Variants in ARHGAP29 observed in about 807,000 individuals in gnomAD.
ARHGAP29 encodes rho GTPase-activating protein 29.
Under a neutral mutation model 122.6 loss-of-function variants are expected in ARHGAP29, and 43 were observed. That is an observed-to-expected ratio of 0.35 (90% CI 0.27 to 0.45). The LOEUF is 0.45. Among genes scored for constraint, ARHGAP29 ranks in the 20% least tolerant of loss-of-function variants. ARHGAP29 has a pLI of 1.00. For synonymous variants in ARHGAP29, 506 were observed against 497.1 expected (o/e 1.02, Z -0.24); for missense variants, 1,303 against 1,477.2 (o/e 0.88, Z 1.93).
At chr1:94,289,290 T>C in the ARHGAP29 span, among the ~76,000 whole-genome samples, 4 of 152,190 alleles carry the variant, frequency 2.6e-5, no homozygotes, top group Non-Finnish European at 5.9e-5. Context: ...GCTCTCTGTT[T>C]GTCTGTTCTT....
At chr1:94,266,221 G>A (rs1357406872) in intron 1 of ARHGAP29, among the ~76,000 whole-genome samples, 1 of 152,188 alleles carries the variant, frequency 6.6e-6, no homozygotes, top group Non-Finnish European at 1.5e-5. Context: ...AGAGCAGTGA[G>A]TCAGCCAGGC....
Position 94,184,278 on chromosome 1 carries a change from C to T in ARHGAP29, c.2120G>A (p.Arg707His). The change falls in exon 19 of 23, where the codon CGT (arginine) becomes CAT (histidine). Residue 707 changes from arginine (R) to histidine (H), a missense_variant. By Grantham distance (29) the Arg-to-His change is conservative (BLOSUM62 0). This residue lies in a region of ARHGAP29 where 91 missense variants were observed against 177.8 expected (regional missense o/e 0.51). Coordinates refer to ENST00000260526, the MANE Select transcript of ARHGAP29 (RefSeq NM_004815.4). ...AGTTTTTATTTTGTTTCCACACACA[C>T]GATAAATTCCCTTCAATAGAAAAGA... ...NRALCLQGIY[R>H]VCGNKIKTEK... 3 of 1,600,120 alleles carry T rather than the reference C, an allele frequency of 1.9e-6. No homozygotes were observed. Among genetic ancestry groups the T allele is most frequent in the Non-Finnish European group, 2.6e-6 (3 of 1,176,414 alleles).
chr1:94,274,408 A>T (rs1000434303), intron 1 of ARHGAP29, among the ~76,000 whole-genome samples: 2 of 152,246 alleles, frequency 1.3e-5, no homozygotes, highest in Non-Finnish European at 2.9e-5. Context: ...TGCAAAGCAC[A>T]TAAGTTACTT....
intron 1 of ARHGAP29, among the ~76,000 whole-genome samples, chr1:94,263,772 T>G (rs899042316): frequency 6.6e-6 from 1 of 152,230 alleles, no homozygotes; most frequent in African/African-American, 2.4e-5. Context: ...AATTATTCCA[T>G]GTACACCACT....
At chr1:94,308,204 A>G in the ARHGAP29 span, among the ~76,000 whole-genome samples, 1 of 152,236 alleles carries the variant, frequency 6.6e-6, no homozygotes, top group Non-Finnish European at 1.5e-5. Context: ...TTCCTCATTT[A>G]TAAAAAAGTT....
intron 2 of ARHGAP29, among the ~76,000 whole-genome samples, chr1:94,228,334 C>T (rs1200030706): frequency 2.0e-5 from 3 of 151,760 alleles, no homozygotes; most frequent in Non-Finnish European, 4.4e-5. Context: ...AAACTGCCAA[C>T]ATTCAGAACA....
At chr1:94,256,649 C>G (rs1435769687) in intron 1 of ARHGAP29, among the ~76,000 whole-genome samples, 1 of 145,416 alleles carries the variant, frequency 6.9e-6, no homozygotes, top group Non-Finnish European at 1.5e-5. Flanking sequence ...AGCTCCGCCT[C>G]CCAGGTTCAC....
rs749474685 is a variant in ARHGAP29 at position 94,179,893 on chromosome 1, T to G, written c.2312A>C (p.Gln771Pro). ...KEFIDLAKEI[Q>P]HVNEEQETKK... Reference sequence around the variant, plus strand: ...TGTCTCTTGTTCTTCATTTACATGTTGGATCTCTTTTGCAAGGTCTATAAA... The same window carrying G: ...TGTCTCTTGTTCTTCATTTACATGTGGGATCTCTTTTGCAAGGTCTATAAA... The change falls in exon 20 of 23, where the codon CAA (glutamine) becomes CCA (proline). Residue 771 changes from glutamine (Q) to proline (P), a missense_variant. Transcript: ENST00000260526. 9.3e-6 allele frequency: 15 copies of G among 1,613,050 alleles called. No individual in the cohort carries two copies. In the African/African-American group the frequency reaches 2.0e-4, roughly 22 times the overall value.
At chr1:94,240,647 A>AT (rs970383845), upstream of ARHGAP29, among the ~76,000 whole-genome samples, 4 of 152,078 alleles carry the variant, frequency 2.6e-5, no homozygotes, top group African/African-American at 4.8e-5. Context: ...GCAACATATA[A>AT]TTTTTTTTAA....
intron 22 of ARHGAP29, among the ~76,000 whole-genome samples, chr1:94,175,869 T>C (rs1469624383): frequency 6.6e-6 from 1 of 151,992 alleles, no homozygotes; most frequent in Non-Finnish European, 1.5e-5. Flanking sequence ...CATGCCCAGA[T>C]AATTTTTGTA....
chr1:94,280,312 A>G, the ARHGAP29 span, among the ~76,000 whole-genome samples: 1 of 152,176 alleles, frequency 6.6e-6, no homozygotes. Flanking sequence ...GACTTTTGCT[A>G]TGGAAGGTTA....
At chr1:94,188,252 T>C (rs1333175026) in intron 15 of ARHGAP29, among the ~76,000 whole-genome samples, 4 of 152,086 alleles carry the variant, frequency 2.6e-5, no homozygotes, top group Non-Finnish European at 5.9e-5. Context: ...CATGAGATAA[T>C]CTATATTAAA....
the ARHGAP29 span, among the ~76,000 whole-genome samples, chr1:94,291,716 A>C: frequency 6.6e-6 from 1 of 152,140 alleles, no homozygotes; most frequent in African/African-American, 2.4e-5. Context: ...TATGAAGCTT[A>C]GTTTGGCTGG....
chr1:94,252,558 C>T (rs1190072777), intron 1 of ARHGAP29, among the ~76,000 whole-genome samples: 2 of 152,122 alleles, frequency 1.3e-5, no homozygotes, highest in Admixed American at 6.6e-5. Flanking sequence ...ATAACAGCAG[C>T]CTGACCCTGC....
the ARHGAP29 span, among the ~76,000 whole-genome samples, chr1:94,296,920 A>G: frequency 6.6e-6 from 1 of 152,238 alleles, no homozygotes; most frequent in Non-Finnish European, 1.5e-5. Context: ...AAGTAGTAGA[A>G]AATGGGTTAT....
intron 1 of ARHGAP29, among the ~76,000 whole-genome samples, chr1:94,235,407 G>A (rs1000501670): frequency 9.2e-5 from 14 of 152,150 alleles, no homozygotes; most frequent in African/African-American, 3.1e-4. Context: ...AGGTAATGAC[G>A]CATGCAAAGT....
At chr1:94,215,311 A>G (rs1169815571) in intron 3 of ARHGAP29, among the ~76,000 whole-genome samples, 2 of 151,810 alleles carry the variant, frequency 1.3e-5, no homozygotes, top group African/African-American at 4.8e-5. Context: ...AATCATCAAA[A>G]AACAAAACAA....
chr1:94,254,253 T>G (rs1654234570), intron 1 of ARHGAP29, among the ~76,000 whole-genome samples: 1 of 152,184 alleles, frequency 6.6e-6, no homozygotes, highest in South Asian at 2.1e-4. Context: ...CGTATTTAGT[T>G]TAGGATACTC....
the ARHGAP29 span, among the ~76,000 whole-genome samples, chr1:94,295,943 C>G: frequency 6.6e-6 from 1 of 152,148 alleles, no homozygotes; most frequent in South Asian, 2.1e-4. Context: ...TTACCAGAAC[C>G]TGGAAGAAGG....
Sources: gnomAD v4.1 joint callset for allele counts (sites outside exome capture counted in the v4.1 genomes callset) on GRCh38, gnomAD v4.1.1 for gene constraint, gnomAD v4.1.1 regional missense constraint, MANE v1.5 for transcripts, NCBI Gene and HGNC (gene_info 2026-07-23, HGNC 2026-07-21) for gene names.